EPB41L3: variants seen among roughly 807,000 people sequenced by gnomAD.
EPB41L3 encodes the protein erythrocyte membrane protein band 4.1 like 3.
EPB41L3 carries 57 observed loss-of-function variants against 127.1 expected under a neutral mutation model. The ratio of observed to expected loss-of-function variants is 0.45; its 90% CI spans 0.36 to 0.56. The LOEUF is 0.56. EPB41L3 is among the 20% of genes least tolerant of loss of function. The pLI is 0.00. For missense variants in EPB41L3, 1,273 were observed against 1,372.2 expected, an observed-to-expected ratio of 0.93 and a Z score of 1.14; for synonymous variants, 572 against 549.5, an observed-to-expected ratio of 1.04 and a Z score of -0.57.
At position 5,538,123 on chromosome 18, in the gene EPB41L3, T is replaced by A. The variant is rs914638363; in HGVS notation, c.-12+5790A>T. Among the ~76,000 whole-genome samples the A allele has an allele frequency of 6.6e-5, 10 of 152,046 alleles. No individual in the cohort carries two copies. The South Asian group carries it at 2.1e-3, about 31-fold the overall frequency. On this transcript the variant is annotated intron_variant, in intron 1 of 22. Coordinates refer to ENST00000341928, the MANE Select transcript of EPB41L3 (RefSeq NM_012307.5). Reference sequence around the variant, plus strand: ...TTTCTTCTTATCTAAAGAACTCTGATTGAGTTATTCAACGCATAAAGAAAA... The same window carrying A: ...TTTCTTCTTATCTAAAGAACTCTGAATGAGTTATTCAACGCATAAAGAAAA...
chr18:5,566,729 ATTCTATT>A (rs2094204838), intron 3 of EPB41L3, among the ~76,000 whole-genome samples: 1 of 60,132 alleles, frequency 1.7e-5, no homozygotes, highest in Admixed American at 1.9e-4. Flanking sequence ...ATTCCATTCT[ATTCTATT>A]CTATTCTATT....
chr18:5,445,971 G>T (rs1320873384), intron 3 of EPB41L3, among the ~76,000 whole-genome samples: 1 of 152,110 alleles, frequency 6.6e-6, no homozygotes, highest in Non-Finnish European at 1.5e-5. Flanking sequence ...CCATGAAACT[G>T]GTCCCTGGTG....
At chr18:5,525,437 AACATC>A (rs1222897123) in intron 1 of EPB41L3, among the ~76,000 whole-genome samples, 1 of 152,240 alleles carries the variant, frequency 6.6e-6, no homozygotes, top group East Asian at 1.9e-4. Flanking sequence ...TATGCACATA[AACATC>A]ACATAAATCC....
intron 1 of EPB41L3, among the ~76,000 whole-genome samples, chr18:5,535,474 C>T (rs76134662): frequency 0.02 from 3,093 of 152,264 alleles, 109 homozygotes; most frequent in African/African-American, 0.07. Flanking sequence ...AAAGTTGTCA[C>T]TGAGTAGCAC....
At chr18:5,535,632 T>C (rs1017028282) in intron 1 of EPB41L3, among the ~76,000 whole-genome samples, 1 of 152,210 alleles carries the variant, frequency 6.6e-6, no homozygotes, top group Non-Finnish European at 1.5e-5. Context: ...GACCTCTAGA[T>C]GCCCCGATGG....
chr18:5,524,118 T>A (rs1176555005), intron 1 of EPB41L3, among the ~76,000 whole-genome samples: 1 of 152,176 alleles, frequency 6.6e-6, no homozygotes, highest in Non-Finnish European at 1.5e-5. Flanking sequence ...GGCACAGAGA[T>A]GTTATTTAAC....
chr18:5,480,511 A>T (rs1409292074), intron 2 of EPB41L3, among the ~76,000 whole-genome samples: 2 of 152,206 alleles, frequency 1.3e-5, no homozygotes, highest in Non-Finnish European at 2.9e-5. Context: ...TTTGAATGGA[A>T]TTCAAATCTA....
chr18:5,461,059 G>A (rs11081197), intron 3 of EPB41L3, among the ~76,000 whole-genome samples: 66,377 of 151,940 alleles, frequency 0.44, 15,047 homozygotes, highest in East Asian at 0.71. Context: ...GGAATTTGCA[G>A]TCATCATACT....
chr18:5,395,856 A>G (rs1443068467), intron 19 of EPB41L3, 149 bp from the exon 20 acceptor site: 1 of 684,150 alleles, frequency 1.5e-6, no homozygotes, highest in East Asian at 2.5e-5. Context: ...GCTCCCAAGA[A>G]TAAGTACTAA....
At chr18:5,524,981 G>C (rs999109247) in intron 1 of EPB41L3, among the ~76,000 whole-genome samples, 9 of 152,208 alleles carry the variant, frequency 5.9e-5, no homozygotes, top group Admixed American at 6.5e-5. Context: ...AGCTCCCACT[G>C]TGAGCTCAAA....
At chr18:5,609,094 A>C (rs115296007) in intron 3 of EPB41L3, among the ~76,000 whole-genome samples, 1,606 of 152,356 alleles carry the variant, frequency 0.011, 31 homozygotes, top group African/African-American at 0.036. Flanking sequence ...GCTCCAAGCA[A>C]GTGAAATCCT....
rs1555804087 is a variant in EPB41L3 at position 5,566,788 on chromosome 18, T to TATTCTATTCTATTCTATTCCATTCC, written c.-306+45551_-306+45552insGGAATGGAATAGAATAGAATAGAAT. On this transcript the variant is annotated intron_variant, in intron 3 of 21. Coordinates refer to the EPB41L3 transcript ENST00000545076. ...TATTCTATTCTATTCTATTCTATTC[T>TATTCTATTCTATTCTATTCCATTCC]ATTCCATTCCATTCCATTCTAATTT... Among the ~76,000 whole-genome samples the TATTCTATTCTATTCTATTCCATTCC allele has an allele frequency of 3.0e-3, 336 of 112,200 alleles. 1 individual carries two copies. Among genetic ancestry groups the TATTCTATTCTATTCTATTCCATTCC allele is most frequent in the Admixed American group, 3.0e-3 (32 of 10,518 alleles). 73.6% of individuals were successfully genotyped at this position (112,200 alleles called of 152,430 possible).
At chr18:5,504,792 C>T (rs1258636890) in intron 1 of EPB41L3, among the ~76,000 whole-genome samples, 4 of 152,112 alleles carry the variant, frequency 2.6e-5, no homozygotes, top group African/African-American at 7.2e-5. Flanking sequence ...AGGTGTCCTC[C>T]GCTACTCCTG....
chr18:5,459,280 C>T (rs6506304), intron 3 of EPB41L3, among the ~76,000 whole-genome samples: 66,445 of 151,848 alleles, frequency 0.44, 15,104 homozygotes, highest in East Asian at 0.71. Flanking sequence ...AAGAAACCAA[C>T]GAATATATAG....
intron 3 of EPB41L3, 98 bp from the exon 4 acceptor site, chr18:5,445,342 G>T: frequency 3.1e-6 from 3 of 978,694 alleles, no homozygotes; most frequent in Non-Finnish European, 4.7e-6. Context: ...ACATTGCTTG[G>T]TGTAACTTTA....
At chr18:5,409,209 T>A (rs12604181) in intron 14 of EPB41L3, among the ~76,000 whole-genome samples, 1 of 152,060 alleles carries the variant, frequency 6.6e-6, no homozygotes, top group Non-Finnish European at 1.5e-5. Context: ...CAGCTCTTCA[T>A]TTTATTTTTA....
chr18:5,609,713 A>C (rs1206880832), intron 3 of EPB41L3, among the ~76,000 whole-genome samples: 1 of 152,224 alleles, frequency 6.6e-6, no homozygotes. Flanking sequence ...AAATACATAC[A>C]TGTGCATCTG....
intron 1 of EPB41L3, among the ~76,000 whole-genome samples, chr18:5,541,281 T>C (rs1280205793): frequency 5.7e-5 from 7 of 121,766 alleles, no homozygotes; most frequent in African/African-American, 1.1e-4. Context: ...AAAAAAAGTC[T>C]CTCTCTTCAT....
intron 1 of EPB41L3, among the ~76,000 whole-genome samples, chr18:5,492,950 C>G (rs1466839445): frequency 1.3e-5 from 2 of 152,134 alleles, no homozygotes; most frequent in Non-Finnish European, 2.9e-5. Flanking sequence ...GATGCATGTG[C>G]AGGTGTGAAT....
Sources: gnomAD v4.1 joint callset for allele counts (sites outside exome capture counted in the v4.1 genomes callset) on GRCh38, gnomAD v4.1.1 for gene constraint, MANE v1.5 for transcripts, NCBI Gene and HGNC (gene_info 2026-07-23, HGNC 2026-07-21) for gene names.